The following AAK1 variants were observed in gnomAD, a reference collection of about 807,000 sequenced individuals.
AAK1 encodes the protein AP2 associated kinase 1, also known as AP2-associated protein kinase 1.
A neutral mutation model predicts 116.0 loss-of-function variants in AAK1; 37 were observed. That is an observed-to-expected ratio of 0.32 (90% confidence interval 0.25 to 0.42). The LOEUF (loss-of-function observed/expected upper bound fraction) is 0.42, where lower values mean the gene tolerates loss of function less well. AAK1 is among the 10% of genes least tolerant of loss of function. AAK1 has a pLI of 1.00. For synonymous variants in AAK1, 458 were observed against 439.9 expected (o/e 1.04, Z -0.51); for missense variants, 919 against 1,170.6 (o/e 0.79, Z 3.14).
At chr2:69,609,384 T>C (rs978823846) in intron 2 of AAK1, among the ~76,000 whole-genome samples, 1 of 145,524 alleles carries the variant, frequency 6.9e-6, no homozygotes, top group African/African-American at 2.6e-5. Flanking sequence ...AGAATACCAA[T>C]AAAATTAAAA....
chr2:69,524,958 T>C, intron 10 of AAK1, 75 bp downstream of exon 10: 1 of 1,405,554 alleles, frequency 7.1e-7, no homozygotes, highest in South Asian at 1.2e-5. Context: ...TACATAAGAA[T>C]CAAGAAACAC....
rs1209503225 is a variant in AAK1 at position 69,465,427 on chromosome 2, AG to A, written c.*10441del. The A allele has an allele frequency of 7.8e-7, 1 of 1,284,820 alleles. No individual in the cohort carries two copies. Among genetic ancestry groups the A allele is most frequent in the African/African-American group, 1.5e-5 (1 of 65,708 alleles). The allele number at this position is 1,284,820 out of a possible 1,614,324, so 79.6% of individuals were successfully genotyped here. A position where few individuals can be genotyped will look rare whatever the true frequency, so the allele number is the denominator to read the frequency against. On this transcript the variant is annotated 3_prime_UTR_variant, in exon 22 of 22. Transcript: ENST00000409085. ...GGCTTGAGGCTCAGGTTTTGCTCCTAGGGTTTCTTGCCTGATTTTGAAGGGA... is the reference window on the plus strand; with the variant it reads ...GGCTTGAGGCTCAGGTTTTGCTCCTAGGTTTCTTGCCTGATTTTGAAGGGA...
chr2:69,477,437 T>C, intron 20 of AAK1, among the ~76,000 whole-genome samples: 1 of 152,022 alleles, frequency 6.6e-6, no homozygotes, highest in Admixed American at 6.6e-5. Context: ...GTAACCACTG[T>C]ATATAATGCA....
chr2:69,621,551 G>C (rs1674628760), intron 2 of AAK1, among the ~76,000 whole-genome samples: 1 of 152,056 alleles, frequency 6.6e-6, no homozygotes, highest in Non-Finnish European at 1.5e-5. Flanking sequence ...AGCCCTAGTA[G>C]AAGTCCAGCT....
chr2:69,460,121 C>T lies in AAK1; in HGVS notation c.*15748G>A, dbSNP rs1032788159. The T allele has an allele frequency of 3.9e-5, 6 of 152,408 alleles. No homozygotes were observed. Among genetic ancestry groups the T allele is most frequent in the African/African-American group, 1.4e-4 (6 of 41,422 alleles). The allele number at this position is 152,408 out of a possible 1,614,324, so 9.4% of individuals were successfully genotyped here. ...AAAATAATTTCAGTCCCACATTTCT[C>T]GGATAAAACCACATCTGTGGTTTTA... On this transcript the variant is annotated 3_prime_UTR_variant, in exon 22 of 22. Coordinates refer to ENST00000409085, the MANE Select transcript of AAK1 (RefSeq NM_014911.5).
At chr2:69,613,836 C>G (rs867029962) in intron 2 of AAK1, among the ~76,000 whole-genome samples, 15 of 152,270 alleles carry the variant, frequency 9.9e-5, no homozygotes, top group African/African-American at 3.6e-4. Flanking sequence ...GTGGTGTGAG[C>G]CACTGTTGCA....
chr2:69,558,351 A>AG, intron 2 of AAK1, among the ~76,000 whole-genome samples: 1 of 151,888 alleles, frequency 6.6e-6, no homozygotes, highest in East Asian at 1.9e-4. Flanking sequence ...AAAAAAAAAA[A>AG]AAAATGTATA....
intron 13 of AAK1, among the ~76,000 whole-genome samples, chr2:69,513,514 G>A (rs1200711684): frequency 6.6e-6 from 1 of 152,030 alleles, no homozygotes; most frequent in Non-Finnish European, 1.5e-5. Flanking sequence ...TAGTAGAGAC[G>A]TGGTTTCACC....
At chr2:69,537,503 C>T (rs1213917820) in intron 5 of AAK1, among the ~76,000 whole-genome samples, 1 of 152,228 alleles carries the variant, frequency 6.6e-6, no homozygotes, top group Non-Finnish European at 1.5e-5. Flanking sequence ...CTCTTTCCCT[C>T]ATCCTATTAA....
intron 5 of AAK1, among the ~76,000 whole-genome samples, chr2:69,537,542 G>C (rs17036751): frequency 6.6e-6 from 1 of 152,120 alleles, no homozygotes; most frequent in Admixed American, 6.5e-5. Flanking sequence ...CCTTCTCACC[G>C]AATGGAAATC....
At position 69,469,300 on chromosome 2, in the gene AAK1, C is replaced by T. The variant is rs73934955; in HGVS notation, c.*6569G>A. 11,173 of 985,308 alleles carry T rather than the reference C, an allele frequency of 0.011. 989 individuals are homozygous for T. In the African/African-American group the frequency reaches 0.18, roughly 16 times the overall value. 61.0% of individuals were successfully genotyped at this position (985,308 alleles called of 1,614,324 possible). A position where few individuals can be genotyped will look rare whatever the true frequency, so the allele number is the denominator to read the frequency against. On this transcript the variant is annotated 3_prime_UTR_variant, in exon 22 of 22. Coordinates refer to ENST00000409085, the MANE Select transcript of AAK1 (RefSeq NM_014911.5). Reference sequence around the variant, plus strand: ...TTCCCTTAAGGAATTCTGGTGGTGGCAGCACCAGAAACAAGGTAGTCGAGA... The same window carrying T: ...TTCCCTTAAGGAATTCTGGTGGTGGTAGCACCAGAAACAAGGTAGTCGAGA...
Position 69,466,409 on chromosome 2 carries a change from G to C in AAK1, c.*9460C>G. On this transcript the variant is annotated 3_prime_UTR_variant, in exon 22 of 22. Transcript: ENST00000409085. ...TGCTTGAAGGGCCATCTCTGGCCAA[G>C]TAGTCAGATTCTAAGTTGTTCTGAG... The C allele has an allele frequency of 7.8e-7, 1 of 1,289,870 alleles. No homozygotes were observed. The highest frequency in any genetic ancestry group is 1.0e-6 in the Non-Finnish European group (1 of 988,878). The allele number at this position is 1,289,870 out of a possible 1,614,324, so 79.9% of individuals were successfully genotyped here.
chr2:69,514,239 TAAG>T (rs1388585871), intron 13 of AAK1, among the ~76,000 whole-genome samples: 1 of 152,176 alleles, frequency 6.6e-6, no homozygotes, highest in Non-Finnish European at 1.5e-5. Flanking sequence ...TGATAAAAAT[TAAG>T]AAGGCTCTTC....
At chr2:69,625,059 T>C (rs1405910717) in intron 2 of AAK1, among the ~76,000 whole-genome samples, 1 of 152,216 alleles carries the variant, frequency 6.6e-6, no homozygotes, top group Non-Finnish European at 1.5e-5. Context: ...CGTTATCTCT[T>C]CCAAACTCAA....
intron 3 of AAK1, among the ~76,000 whole-genome samples, chr2:69,551,476 T>G (rs1177327931): frequency 1.3e-5 from 2 of 152,236 alleles, no homozygotes; most frequent in African/African-American, 4.8e-5. Flanking sequence ...ACAGGATCTA[T>G]CTTCCACCCT....
At chr2:69,584,900 C>A (rs188487974) in intron 2 of AAK1, among the ~76,000 whole-genome samples, 21 of 152,300 alleles carry the variant, frequency 1.4e-4, no homozygotes, top group Admixed American at 1.4e-3. Context: ...GCTTTCCACA[C>A]TCTAAAAATC....
At chr2:69,500,992 G>T (rs1412755939) in intron 16 of AAK1, among the ~76,000 whole-genome samples, 1 of 151,960 alleles carries the variant, frequency 6.6e-6, no homozygotes, top group Non-Finnish European at 1.5e-5. Context: ...CGTCTGTATG[G>T]AGCCAAACAT....
intron 12 of AAK1, 131 bp from the exon 13 acceptor site, chr2:69,514,880 G>A: frequency 9.6e-7 from 1 of 1,043,492 alleles, no homozygotes; most frequent in South Asian, 1.8e-5. Context: ...CTTGAGGCTA[G>A]GCCTAAAATC....
rs753344464 is a variant in AAK1 at position 69,542,670 on chromosome 2, G to A, written c.392-5C>T. On this transcript the variant is annotated splice_region_variant and splice_polypyrimidine_tract_variant and intron_variant, in intron 4 of 21. Coordinates refer to ENST00000409085, the MANE Select transcript of AAK1 (RefSeq NM_014911.5). ...TCAGGTTTACCACCTGGCCACCTGA[G>A]GGGGTACGTACAGGGCAAAGGAGAC... 25 of 1,613,432 alleles carry A rather than the reference G, an allele frequency of 1.5e-5. No homozygotes were observed. The highest frequency in any genetic ancestry group is 6.7e-5 in the East Asian group (3 of 44,882).
Sources: allele counts gnomAD v4.1 joint callset (sites outside exome capture counted in the v4.1 genomes callset), GRCh38; gene constraint gnomAD v4.1.1; transcripts MANE v1.5; gene names NCBI Gene and HGNC (gene_info 2026-07-23, HGNC 2026-07-21).